The following PDE4D variants were observed in gnomAD, a reference collection of about 807,000 sequenced individuals.
The protein encoded by PDE4D is phosphodiesterase 4D, also known as 3',5'-cyclic-AMP phosphodiesterase 4D.
PDE4D carries 24 observed loss-of-function variants against 87.4 expected under a neutral mutation model. The ratio of observed to expected loss-of-function variants is 0.27; its 90% CI spans 0.20 to 0.39. PDE4D has a LOEUF of 0.39. PDE4D is among the 10% of genes least tolerant of loss of function. The probability of loss-of-function intolerance (pLI) is 1.00; values close to 1 mark genes in which losing one functional copy is unlikely to be tolerated. For missense variants in PDE4D, 714 were observed against 1,041.0 expected (o/e 0.69, Z 4.32); for synonymous variants, 384 against 383.2 (o/e 1.00, Z -0.02).
chr5:60,204,193 T>A (rs1461982777), intron 1 of PDE4D, among the ~76,000 whole-genome samples: 14 of 152,098 alleles, frequency 9.2e-5, no homozygotes, highest in Admixed American at 9.2e-4. Context: ...TGTCTATCTA[T>A]CTATCTAGCT....
At chr5:60,457,830 A>G (rs1196269845) in intron 1 of PDE4D, among the ~76,000 whole-genome samples, 1 of 152,190 alleles carries the variant, frequency 6.6e-6, no homozygotes, top group African/African-American at 2.4e-5. Context: ...GCGAGAGCAA[A>G]CAACATGGTG....
intron 1 of PDE4D, among the ~76,000 whole-genome samples, chr5:59,736,711 T>C (rs1369291322): frequency 6.6e-6 from 1 of 151,342 alleles, no homozygotes; most frequent in Non-Finnish European, 1.5e-5. Flanking sequence ...AAGGAAATGA[T>C]TGACAAAATA....
chr5:59,574,931 T>C (rs1389556009), intron 1 of PDE4D, among the ~76,000 whole-genome samples: 1 of 152,192 alleles, frequency 6.6e-6, no homozygotes, highest in Admixed American at 6.5e-5. Flanking sequence ...AACCTCATTC[T>C]ATACATATAT....
chr5:59,507,982 C>A (rs1401313847), intron 1 of PDE4D, among the ~76,000 whole-genome samples: 1 of 152,114 alleles, frequency 6.6e-6, no homozygotes, highest in Admixed American at 6.5e-5. Context: ...TATAATTCAA[C>A]AAAATTTGCT....
intron 5 of PDE4D, among the ~76,000 whole-genome samples, chr5:59,046,849 T>C (rs1257138158): frequency 6.6e-6 from 1 of 152,186 alleles, no homozygotes; most frequent in Non-Finnish European, 1.5e-5. Context: ...TAATTAGGCA[T>C]CTAGGTTGGG....
intron 2 of PDE4D, among the ~76,000 whole-genome samples, chr5:60,116,255 C>T (rs1016873916): frequency 1.3e-5 from 2 of 152,028 alleles, no homozygotes; most frequent in Non-Finnish European, 2.9e-5. Context: ...CACAGACCAA[C>T]CTAGATGGTG....
chr5:59,083,664 T>C (rs1767176027), intron 5 of PDE4D, among the ~76,000 whole-genome samples: 1 of 152,066 alleles, frequency 6.6e-6, no homozygotes, highest in Non-Finnish European at 1.5e-5. Context: ...TGAATATCTC[T>C]GAAAATTTAA....
At chr5:59,376,207 T>G (rs1306689584) in intron 1 of PDE4D, among the ~76,000 whole-genome samples, 1 of 152,054 alleles carries the variant, frequency 6.6e-6, no homozygotes, top group Non-Finnish European at 1.5e-5. Context: ...GAGAAAGAAA[T>G]AAAGCACATT....
intron 1 of PDE4D, among the ~76,000 whole-genome samples, chr5:60,386,215 A>T (rs974964733): frequency 1.3e-5 from 2 of 152,172 alleles, no homozygotes; most frequent in Non-Finnish European, 2.9e-5. Flanking sequence ...TTTAAAAAAA[A>T]ATGACTAATT....
intron 1 of PDE4D, among the ~76,000 whole-genome samples, chr5:59,263,874 A>G (rs1762426993): frequency 6.6e-6 from 1 of 151,980 alleles, no homozygotes; most frequent in Non-Finnish European, 1.5e-5. Flanking sequence ...GGCTGCTGGT[A>G]CTATTTTTAA....
chr5:60,035,076 C>T (rs960048165), intron 2 of PDE4D, among the ~76,000 whole-genome samples: 2 of 151,870 alleles, frequency 1.3e-5, no homozygotes, highest in Admixed American at 6.6e-5. Flanking sequence ...GCCAACATGG[C>T]GAAACCCAGT....
intron 1 of PDE4D, among the ~76,000 whole-genome samples, chr5:60,231,236 G>C (rs1435422489): frequency 6.6e-6 from 1 of 151,950 alleles, no homozygotes; most frequent in Non-Finnish European, 1.5e-5. Context: ...GCACGACACT[G>C]TCCTAGCTAT....
chr5:59,616,915 T>TTATATATATATATATATA (rs1561333178), intron 1 of PDE4D, among the ~76,000 whole-genome samples: 3 of 12,284 alleles, frequency 2.4e-4, no homozygotes, highest in East Asian at 1.5e-3. Context: ...GACCTAATAA[T>TTATATATATATATATATA]TACATATATA....
intron 6 of PDE4D, among the ~76,000 whole-genome samples, chr5:59,010,008 T>G (rs1752443890): frequency 6.6e-6 from 1 of 152,164 alleles, no homozygotes; most frequent in African/African-American, 2.4e-5. Flanking sequence ...TGATACAACA[T>G]TCAGTGAATT....
At chr5:59,735,509 C>T (rs1757945492) in intron 1 of PDE4D, among the ~76,000 whole-genome samples, 1 of 151,976 alleles carries the variant, frequency 6.6e-6, no homozygotes, top group Admixed American at 6.6e-5. Flanking sequence ...TGAAATTAAA[C>T]AAGCTTTACA....
intron 1 of PDE4D, among the ~76,000 whole-genome samples, chr5:60,192,604 T>C (rs1785284339): frequency 6.6e-6 from 1 of 152,202 alleles, no homozygotes; most frequent in Admixed American, 6.5e-5. Flanking sequence ...TTGCAAGATA[T>C]TTCAATTATA....
chr5:60,095,292 C>T (rs1273149440), intron 2 of PDE4D, among the ~76,000 whole-genome samples: 2 of 152,178 alleles, frequency 1.3e-5, no homozygotes, highest in Non-Finnish European at 2.9e-5. Context: ...TGAGTGAGAA[C>T]ATGTGGTGTT....
chr5:60,223,828 C>A (rs1276132295), intron 1 of PDE4D, among the ~76,000 whole-genome samples: 1 of 152,138 alleles, frequency 6.6e-6, no homozygotes, highest in Non-Finnish European at 1.5e-5. Context: ...TCTTAATTCT[C>A]AAACTCCATT....
chr5:59,754,420 C>T (rs1760919423), intron 1 of PDE4D, among the ~76,000 whole-genome samples: 1 of 152,094 alleles, frequency 6.6e-6, no homozygotes, highest in African/African-American at 2.4e-5. Flanking sequence ...CACATCAGAC[C>T]TATTGTGGGT....
Sources: gnomAD v4.1 joint callset for allele counts (sites outside exome capture counted in the v4.1 genomes callset) on GRCh38, gnomAD v4.1.1 for gene constraint, MANE v1.5 for transcripts, NCBI Gene and HGNC (gene_info 2026-07-23, HGNC 2026-07-21) for gene names.